The following FAM135B variants were observed in gnomAD, a reference collection of about 807,000 sequenced individuals.
The protein encoded by FAM135B is protein FAM135B.
In FAM135B, 43 loss-of-function variants were observed where a neutral mutation model predicts 127.7. That is an observed-to-expected ratio of 0.34 (90% confidence interval 0.26 to 0.43). The LOEUF (loss-of-function observed/expected upper bound fraction) is 0.43. Among genes scored for constraint, FAM135B ranks in the 20% least tolerant of loss-of-function variants. The probability of loss-of-function intolerance (pLI) is 1.00; values close to 1 mark genes in which losing one functional copy is unlikely to be tolerated. For missense variants in FAM135B, 1,558 were observed against 1,725.6 expected, an observed-to-expected ratio of 0.90 and a Z score of 1.72; for synonymous variants, 670 against 665.1, an observed-to-expected ratio of 1.01 and a Z score of -0.11.
At chr8:138,215,572 AG>A (rs1489651662) in intron 7 of FAM135B, among the ~76,000 whole-genome samples, 19 of 152,344 alleles carry the variant, frequency 1.2e-4, no homozygotes, top group Non-Finnish European at 1.3e-4. Flanking sequence ...TCTGAGCCTC[AG>A]GCTTCCATTC....
intron 7 of FAM135B, among the ~76,000 whole-genome samples, chr8:138,202,588 C>G (rs1322553125): frequency 6.6e-6 from 1 of 152,136 alleles, no homozygotes; most frequent in Admixed American, 6.5e-5. Flanking sequence ...CCAATGTCAC[C>G]TTGGGGAGGT....
chr8:138,398,702 C>T (rs1439933011), intron 1 of FAM135B, among the ~76,000 whole-genome samples: 1 of 152,174 alleles, frequency 6.6e-6, no homozygotes, highest in Non-Finnish European at 1.5e-5. Context: ...GGGGCATCGA[C>T]TAATTTTAAG....
In FAM135B at chr8:138,161,702, C is replaced by T. The variant is rs972024313; in HGVS notation, c.1258+6193G>A. Among the ~76,000 whole-genome samples, 2 of 152,158 alleles carry T rather than the reference C, an allele frequency of 1.3e-5. 1 individual carries two copies. The highest frequency in any genetic ancestry group is 2.9e-5 in the Non-Finnish European group (2 of 68,028). ...CAGCAAGGAAATAACGGATCTCTTC[C>T]TTACCAGGGCGCATTCTTTGCACCT... is the stretch of plus-strand genomic sequence containing the variant. On this transcript the variant is annotated intron_variant, in intron 12 of 19. Coordinates refer to ENST00000395297, the MANE Select transcript of FAM135B (RefSeq NM_015912.4).
At chr8:138,220,969 G>A (rs962354653) in intron 7 of FAM135B, among the ~76,000 whole-genome samples, 1 of 152,168 alleles carries the variant, frequency 6.6e-6, no homozygotes, top group Non-Finnish European at 1.5e-5. Context: ...TTGGATATCA[G>A]GCTGCATAGA....
rs1033143326 is a variant in FAM135B, at chr8:138,363,533, T to C, written c.77+4374A>G. Reference sequence around the variant, plus strand: ...TGCTGAATGTGGGGGTGATATCGTATGATTCTTGATGACTGGTTTGAGGAA... The same window carrying C: ...TGCTGAATGTGGGGGTGATATCGTACGATTCTTGATGACTGGTTTGAGGAA... On this transcript the variant is annotated intron_variant, in intron 2 of 19. Transcript: ENST00000395297. 2.0e-5 allele frequency among the ~76,000 whole-genome samples: 3 copies of C among 152,160 alleles called. No homozygotes were observed. In the East Asian group the frequency reaches 5.8e-4, roughly 29 times the overall value.
intron 11 of FAM135B, among the ~76,000 whole-genome samples, chr8:138,177,054 C>T (rs890621071): frequency 1.3e-5 from 2 of 152,180 alleles, no homozygotes; most frequent in South Asian, 2.1e-4. Flanking sequence ...TAATTCATTT[C>T]GCAGAGGACT....
chr8:138,146,476 C>A (rs1817665040), intron 14 of FAM135B, among the ~76,000 whole-genome samples: 1 of 152,150 alleles, frequency 6.6e-6, no homozygotes, highest in African/African-American at 2.4e-5. Flanking sequence ...TCTAGTGCTG[C>A]CTTTTCTAGG....
chr8:138,284,924 G>T (rs1341701110), intron 3 of FAM135B, among the ~76,000 whole-genome samples: 2 of 151,926 alleles, frequency 1.3e-5, no homozygotes, highest in Non-Finnish European at 2.9e-5. Flanking sequence ...GCACCCAGTT[G>T]CTCAACAGAT....
At chr8:138,247,594 A>C (rs1821386837) in intron 6 of FAM135B, among the ~76,000 whole-genome samples, 1 of 152,122 alleles carries the variant, frequency 6.6e-6, no homozygotes, top group African/African-American at 2.4e-5. Context: ...TACATTACCC[A>C]CTGTCAGTTC....
intron 13 of FAM135B, 34 bp downstream of exon 13, chr8:138,151,160 G>T: frequency 1.4e-6 from 2 of 1,463,618 alleles, no homozygotes; most frequent in South Asian, 1.5e-5. Flanking sequence ...CTAAAAGACT[G>T]TTGTGGGAAA....
intron 2 of FAM135B, among the ~76,000 whole-genome samples, chr8:138,323,687 T>C (rs1398288): frequency 0.88 from 133,449 of 152,190 alleles, 59,605 homozygotes; most frequent in Non-Finnish European, 0.97. Context: ...TGAAGCCAAA[T>C]ACACTTCTTA....
At chr8:138,184,573 T>C (rs968388358) in intron 9 of FAM135B, among the ~76,000 whole-genome samples, 3 of 152,266 alleles carry the variant, frequency 2.0e-5, no homozygotes, top group African/African-American at 7.2e-5. Context: ...GGACGGGCCA[T>C]AGGAAGGCAG....
intron 3 of FAM135B, among the ~76,000 whole-genome samples, chr8:138,283,231 G>T (rs1824403228): frequency 1.3e-5 from 2 of 151,990 alleles, no homozygotes; most frequent in African/African-American, 4.8e-5. Flanking sequence ...GAGGTGACTG[G>T]ATAAATAAAC....
intron 1 of FAM135B, among the ~76,000 whole-genome samples, chr8:138,386,806 T>C (rs1413283553): frequency 2.0e-5 from 3 of 152,180 alleles, no homozygotes; most frequent in Non-Finnish European, 4.4e-5. Context: ...CAAATGTTAA[T>C]ATTAATGAAA....
At chr8:138,483,018 G>GTACTATAT (rs2131683239) in intron 1 of FAM135B, among the ~76,000 whole-genome samples, 1 of 151,902 alleles carries the variant, frequency 6.6e-6, no homozygotes, top group African/African-American at 2.4e-5. Flanking sequence ...CTAGACTTAG[G>GTACTATAT]TGCCTCAATG....
intron 3 of FAM135B, among the ~76,000 whole-genome samples, chr8:138,296,926 G>A (rs1398293): frequency 0.29 from 44,429 of 151,904 alleles, 6,643 homozygotes; most frequent in South Asian, 0.42. Context: ...TACTAAAGCC[G>A]AATGAGAGGT....
chr8:138,486,016 T>C (rs2131687993), intron 1 of FAM135B, among the ~76,000 whole-genome samples: 1 of 152,038 alleles, frequency 6.6e-6, no homozygotes, highest in South Asian at 2.1e-4. Flanking sequence ...ATTGCAGAAG[T>C]GGCTGGTAAA....
chr8:138,371,820 ACC>A lies in FAM135B; in HGVS notation c.-19-3820_-19-3819del, dbSNP rs1413726076. Among the ~76,000 whole-genome samples the A allele has an allele frequency of 2.0e-5, 3 of 152,226 alleles. No individual in the cohort carries two copies. In the East Asian group the frequency reaches 5.8e-4, roughly 29 times the overall value. ...CTAACTTCCTACTACAACCAGTGCC[ACC>A]CACCATTCTAGTGAATTCAGTCATT... On this transcript the variant is annotated intron_variant, in intron 1 of 19. Transcript: ENST00000395297.
At chr8:138,195,820 G>A (rs1005520816) in intron 8 of FAM135B, among the ~76,000 whole-genome samples, 2 of 152,298 alleles carry the variant, frequency 1.3e-5, no homozygotes, top group Non-Finnish European at 1.5e-5. Context: ...AAACCAGGTG[G>A]CCTCTGGCTA....
Sources: gnomAD v4.1 joint callset for allele counts (sites outside exome capture counted in the v4.1 genomes callset) on GRCh38, gnomAD v4.1.1 for gene constraint, MANE v1.5 for transcripts, NCBI Gene and HGNC (gene_info 2026-07-23, HGNC 2026-07-21) for gene names.